The following DLC1 variants were observed in gnomAD, a reference collection of about 807,000 sequenced individuals.
The protein encoded by DLC1 is rho GTPase-activating protein 7.
A neutral mutation model predicts 140.3 loss-of-function variants in DLC1; 54 were observed. That is an observed-to-expected ratio of 0.38 (90% CI 0.31 to 0.48). The LOEUF (loss-of-function observed/expected upper bound fraction) is 0.48. DLC1 is among the 20% of genes least tolerant of loss of function. The pLI is 0.96. For missense variants in DLC1, 2,536 were observed against 1,907.0 expected (o/e 1.33, Z -6.14); for synonymous variants, 986 against 728.1 (o/e 1.35, Z -5.70).
At chr8:13,195,066 T>G (rs1826972260) in intron 5 of DLC1, among the ~76,000 whole-genome samples, 1 of 152,196 alleles carries the variant, frequency 6.6e-6, no homozygotes, top group African/African-American at 2.4e-5. Context: ...AAAAAATGCT[T>G]CAAATACACT....
chr8:13,110,507 A>T (rs569291895), intron 7 of DLC1, among the ~76,000 whole-genome samples: 1 of 152,170 alleles, frequency 6.6e-6, no homozygotes, highest in African/African-American at 2.4e-5. Flanking sequence ...TATATCAAAT[A>T]TGGAATGCTA....
rs1438203802 is a variant in DLC1, at chr8:13,083,754, G to A, written c.*2057C>T. On this transcript the variant is annotated 3_prime_UTR_variant, in exon 18 of 18. Transcript: ENST00000276297. Reference sequence around the variant, plus strand: ...CTTCACCAGGGTTTCCTGTTTGGGAGTGGGTGGCTCAGTTGCAGTTTGGCC... The same window carrying A: ...CTTCACCAGGGTTTCCTGTTTGGGAATGGGTGGCTCAGTTGCAGTTTGGCC... 1 of 152,660 alleles carries A rather than the reference G, an allele frequency of 6.6e-6. No homozygotes were observed. The highest frequency in any genetic ancestry group is 6.5e-5 in the Admixed American group (1 of 15,286). 9.5% of individuals were successfully genotyped at this position (152,660 alleles called of 1,614,324 possible).
chr8:13,092,396 G>T (rs1169049084), intron 13 of DLC1, among the ~76,000 whole-genome samples: 2 of 152,300 alleles, frequency 1.3e-5, no homozygotes, highest in African/African-American at 2.4e-5. Context: ...GATGGATTTT[G>T]TCTGTGGGGG....
intron 5 of DLC1, among the ~76,000 whole-genome samples, chr8:13,224,689 A>G (rs897631149): frequency 6.6e-6 from 1 of 152,120 alleles, no homozygotes; most frequent in African/African-American, 2.4e-5. Context: ...TTCCTTCTAA[A>G]CAATACTTCC....
intron 5 of DLC1, among the ~76,000 whole-genome samples, chr8:13,181,238 C>A (rs74720060): frequency 0.039 from 5,897 of 152,052 alleles, 120 homozygotes; most frequent in African/African-American, 0.05. Context: ...GAAAGCTCTT[C>A]CCCCAGCAAG....
intron 5 of DLC1, among the ~76,000 whole-genome samples, chr8:13,207,011 A>G (rs1456073753): frequency 6.6e-6 from 1 of 152,194 alleles, no homozygotes; most frequent in African/African-American, 2.4e-5. Flanking sequence ...ATGAGTGAGC[A>G]AGTAAGTGCT....
chr8:13,233,894 T>A (rs952953632), intron 5 of DLC1, among the ~76,000 whole-genome samples: 2 of 152,220 alleles, frequency 1.3e-5, no homozygotes, highest in Non-Finnish European at 2.9e-5. Flanking sequence ...ATTTTATTTG[T>A]TTATCGTCTC....
At chr8:13,443,302 A>G (rs565113767) in intron 2 of DLC1, among the ~76,000 whole-genome samples, 2 of 150,148 alleles carry the variant, frequency 1.3e-5, no homozygotes, top group African/African-American at 4.9e-5. Context: ...ATGTATACAT[A>G]TGTAACTAAC....
intron 1 of DLC1, among the ~76,000 whole-genome samples, chr8:13,534,138 C>T (rs957163921): frequency 6.6e-6 from 1 of 152,150 alleles, no homozygotes; most frequent in African/African-American, 2.4e-5. Flanking sequence ...AGATATCACT[C>T]ATTTGACAGT....
upstream of DLC1, among the ~76,000 whole-genome samples, chr8:13,519,034 C>T (rs1361783640): frequency 6.6e-6 from 1 of 151,894 alleles, no homozygotes; most frequent in African/African-American, 2.4e-5. Flanking sequence ...GGTACATGTG[C>T]ACAACATGCA....
intron 2 of DLC1, among the ~76,000 whole-genome samples, chr8:13,418,562 C>G (rs1838176008): frequency 6.6e-6 from 1 of 152,068 alleles, no homozygotes; most frequent in African/African-American, 2.4e-5. Context: ...CTGTTGTGTT[C>G]CATTGATCTA....
At chr8:13,366,655 T>G (rs1005956801) in intron 4 of DLC1, among the ~76,000 whole-genome samples, 1 of 152,176 alleles carries the variant, frequency 6.6e-6, no homozygotes, top group African/African-American at 2.4e-5. Context: ...CAGATATAAA[T>G]TTTGGGCCAG....
At chr8:13,469,218 A>G (rs1800095369) in intron 2 of DLC1, among the ~76,000 whole-genome samples, 1 of 152,136 alleles carries the variant, frequency 6.6e-6, no homozygotes, top group South Asian at 2.1e-4. Context: ...CTCACGTTGG[A>G]TATTTTTCTT....
intron 5 of DLC1, among the ~76,000 whole-genome samples, chr8:13,226,017 A>T (rs1286789187): frequency 6.6e-6 from 1 of 152,012 alleles, no homozygotes; most frequent in African/African-American, 2.4e-5. Flanking sequence ...GGCTCAATTG[A>T]TCCTCCCACA....
intron 4 of DLC1, among the ~76,000 whole-genome samples, chr8:13,361,476 G>C (rs1385744620): frequency 6.6e-6 from 1 of 151,682 alleles, no homozygotes. Context: ...ATGTTACTCA[G>C]GCTGGTCTTG....
chr8:13,125,841 C>T (rs556427655), intron 5 of DLC1, among the ~76,000 whole-genome samples: 1 of 151,912 alleles, frequency 6.6e-6, no homozygotes, highest in African/African-American at 2.4e-5. Flanking sequence ...GAAAAAGGAC[C>T]CATTTTCCCT....
chr8:13,123,838 C>A (rs1821327516), intron 5 of DLC1, among the ~76,000 whole-genome samples: 1 of 152,100 alleles, frequency 6.6e-6, no homozygotes, highest in Admixed American at 6.5e-5. Context: ...AGAAATAAAC[C>A]ACTCATACAA....
At chr8:13,329,659 C>T (rs1833506204) in intron 4 of DLC1, among the ~76,000 whole-genome samples, 2 of 152,130 alleles carry the variant, frequency 1.3e-5, no homozygotes. Context: ...ATATTTTCAC[C>T]ACTAATGCAG....
intron 5 of DLC1, among the ~76,000 whole-genome samples, chr8:13,171,183 GA>G (rs1189043411): frequency 1.3e-5 from 2 of 152,146 alleles, no homozygotes; most frequent in Non-Finnish European, 2.9e-5. Context: ...AAGAAAGAAA[GA>G]AAGAGTTGCT....
Sources: allele counts gnomAD v4.1 joint callset (sites outside exome capture counted in the v4.1 genomes callset), GRCh38; gene constraint gnomAD v4.1.1; transcripts MANE v1.5; gene names NCBI Gene and HGNC (gene_info 2026-07-23, HGNC 2026-07-21).